KANK1: variants seen among roughly 807,000 people sequenced by gnomAD.
KANK1 encodes the protein KN motif and ankyrin repeat domain-containing protein 1.
In KANK1, 109 loss-of-function variants were observed where a neutral mutation model predicts 106.2. The ratio of observed to expected loss-of-function variants is 1.03; its 90% confidence interval spans 0.88 to 1.20. The LOEUF is 1.20. Ranked by LOEUF, KANK1 falls within the 50% of genes most tolerant of loss-of-function variation. The pLI, the probability that KANK1 is intolerant of heterozygous loss-of-function variation, is 0.00. For synonymous variants in KANK1, 873 were observed against 652.2 expected (o/e 1.34, Z -5.16); for missense variants, 2,399 against 1,710.7 (o/e 1.40, Z -7.10).
At chr9:723,890 C>T (rs143904640) in intron 3 of KANK1, among the ~76,000 whole-genome samples, 3,470 of 148,082 alleles carry the variant, frequency 0.023, 96 homozygotes, top group Admixed American at 0.068. Flanking sequence ...CCCAGCAGTT[C>T]GAGACTAGCC....
intron 2 of KANK1, chr9:471,539 A>G (rs1587164000): frequency 6.6e-6 from 1 of 152,182 alleles, no homozygotes; most frequent in Non-Finnish European, 1.5e-5. Context: ...AAAGTAAATA[A>G]GATAAAGTCA....
At chr9:554,095 T>C (rs541785997) in intron 1 of KANK1, among the ~76,000 whole-genome samples, 4 of 152,110 alleles carry the variant, frequency 2.6e-5, no homozygotes, top group African/African-American at 9.7e-5. Flanking sequence ...AGGAAGGAGA[T>C]TCATTATAGG....
At chr9:489,973 G>T (rs1179539835) in intron 3 of KANK1, among the ~76,000 whole-genome samples, 2 of 152,140 alleles carry the variant, frequency 1.3e-5, no homozygotes, top group Admixed American at 1.3e-4. Context: ...ATAAAGGAAG[G>T]AAGTACTTTT....
intron 1 of KANK1, among the ~76,000 whole-genome samples, chr9:597,672 TA>T: frequency 6.6e-6 from 1 of 151,596 alleles, no homozygotes; most frequent in South Asian, 2.1e-4. Context: ...AATTTTTATT[TA>T]TTTTTTTTTA....
At chr9:560,519 G>A (rs934846682) in intron 1 of KANK1, among the ~76,000 whole-genome samples, 1 of 152,200 alleles carries the variant, frequency 6.6e-6, no homozygotes, top group Non-Finnish European at 1.5e-5. Flanking sequence ...GGAGACTTTA[G>A]AGGCACAGCC....
intron 1 of KANK1, among the ~76,000 whole-genome samples, chr9:532,391 C>T (rs1438250906): frequency 1.3e-5 from 1 of 78,542 alleles, no homozygotes; most frequent in Admixed American, 1.6e-4. Flanking sequence ...TTTTTTTTTA[C>T]CATTTCAATC....
chr9:501,445 T>G (rs1355413848), upstream of KANK1, among the ~76,000 whole-genome samples: 2 of 152,190 alleles, frequency 1.3e-5, no homozygotes, highest in African/African-American at 4.8e-5. Context: ...TAGACCATTC[T>G]ATATTTAGAA....
intron 1 of KANK1, among the ~76,000 whole-genome samples, chr9:519,952 G>C (rs1198706268): frequency 6.6e-6 from 1 of 151,756 alleles, no homozygotes; most frequent in African/African-American, 2.4e-5. Flanking sequence ...TATTAGTCTA[G>C]TTATGCTCAG....
At chr9:643,604 C>T (rs1049332688) in intron 1 of KANK1, among the ~76,000 whole-genome samples, 3 of 133,306 alleles carry the variant, frequency 2.3e-5, no homozygotes, top group East Asian at 2.1e-4. Context: ...AAGCTGGTCT[C>T]GAACTCCTGG....
At chr9:545,680 C>A (rs9299012) in intron 1 of KANK1, among the ~76,000 whole-genome samples, 77,653 of 148,692 alleles carry the variant, frequency 0.52, 24,589 homozygotes, top group African/African-American at 0.87. Context: ...TTCATGGCAG[C>A]GTGACAGCAT....
At chr9:632,652 G>A (rs901724562) in intron 1 of KANK1, among the ~76,000 whole-genome samples, 3 of 152,058 alleles carry the variant, frequency 2.0e-5, no homozygotes, top group Admixed American at 6.6e-5. Context: ...CACATTATCT[G>A]CTTTGATCCT....
At position 713,164 on chromosome 9, in the gene KANK1, G is replaced by A. The variant is rs754619851; in HGVS notation, c.2398G>A (p.Gly800Arg). ...AGCCAGCAGAAGGAGCGTGGGGGTTGGGGATGACCCTGTAGGGGAATCTCT... is the reference window on the plus strand; with the variant it reads ...AGCCAGCAGAAGGAGCGTGGGGGTTAGGGATGACCCTGTAGGGGAATCTCT... Reference protein sequence around the residue: ...LTASRRSVGVGDDPVGESLEN... With the variant: ...LTASRRSVGVRDDPVGESLEN... Residue 800 changes from glycine (G) to arginine (R), a missense_variant, in exon 3 of 12, where the codon GGG becomes AGG. Physicochemically the swap from Gly to Arg is moderately radical, Grantham distance 125. Transcript: ENST00000382297. The A allele has an allele frequency of 6.3e-7, 1 of 1,589,490 alleles. No homozygotes were observed. The highest frequency in any genetic ancestry group is 8.6e-7 in the Non-Finnish European group (1 of 1,166,954).
intron 3 of KANK1, among the ~76,000 whole-genome samples, chr9:717,830 A>G (rs1407915130): frequency 6.6e-6 from 1 of 152,230 alleles, no homozygotes; most frequent in East Asian, 1.9e-4. Flanking sequence ...TACTCTAAAA[A>G]TATATAACTG....
In KANK1 at chr9:508,571, G is replaced by A. The variant is rs573390656; in HGVS notation, c.-84+3817G>A. 6.4e-4 allele frequency among the ~76,000 whole-genome samples: 94 copies of A among 146,340 alleles called. 4 individuals are homozygous for A. The highest frequency in any genetic ancestry group is 2.5e-3 in the African/African-American group (91 of 35,940). ...GCCCCTATACTCTTGTCCAATCACT[G>A]CCCCTCCCGAAGAGTAACCGTTGTG... is the stretch of plus-strand genomic sequence containing the variant. On this transcript the variant is annotated intron_variant, in intron 1 of 11. Transcript: ENST00000382297.
At chr9:490,389 T>C (rs2058358588) in intron 3 of KANK1, among the ~76,000 whole-genome samples, 1 of 152,164 alleles carries the variant, frequency 6.6e-6, no homozygotes, top group Non-Finnish European at 1.5e-5. Context: ...GCACACCTGT[T>C]GTCCCAGCTA....
At chr9:657,813 T>C (rs149908979) in intron 1 of KANK1, among the ~76,000 whole-genome samples, 84 of 152,210 alleles carry the variant, frequency 5.5e-4, no homozygotes, top group African/African-American at 1.9e-3. Flanking sequence ...TTAGGAACTT[T>C]TATGTTCTTA....
chr9:637,966 C>T (rs559118084), intron 1 of KANK1, among the ~76,000 whole-genome samples: 4 of 152,290 alleles, frequency 2.6e-5, no homozygotes, highest in Non-Finnish European at 5.9e-5. Flanking sequence ...GTGCCATGGA[C>T]CATGTGCTGG....
intron 2 of KANK1, chr9:471,334 CA>C (rs1043727805): frequency 2.6e-5 from 4 of 152,458 alleles, no homozygotes; most frequent in Admixed American, 2.6e-4. Context: ...GGGGTAAGGA[CA>C]CTAGACTGAG....
chr9:658,347 A>C (rs932771840), intron 1 of KANK1, among the ~76,000 whole-genome samples: 4 of 152,146 alleles, frequency 2.6e-5, no homozygotes, highest in African/African-American at 9.7e-5. Flanking sequence ...GGACTAAGCA[A>C]ATCTCATAAC....
Sources: allele counts gnomAD v4.1 joint callset (sites outside exome capture counted in the v4.1 genomes callset), GRCh38; gene constraint gnomAD v4.1.1; transcripts MANE v1.5; gene names NCBI Gene and HGNC (gene_info 2026-07-23, HGNC 2026-07-21).